The following TMSB15B variants were observed in gnomAD, a reference collection of about 807,000 sequenced individuals.
TMSB15B encodes the protein thymosin beta 15B, also known as thymosin beta-15B.
At chrX:103,922,114 C>T (rs184956719) in intron 1 of TMSB15B, among the ~76,000 whole-genome samples, 56 of 108,756 alleles carry the variant, frequency 5.1e-4, no homozygotes, top group Non-Finnish European at 9.6e-4. Flanking sequence ...CGGAGTCTCC[C>T]ACTGTCACCC....
chrX:103,933,627 T>G (rs1238626629), intron 1 of TMSB15B, among the ~76,000 whole-genome samples: 1 of 111,851 alleles, frequency 8.9e-6, no homozygotes, highest in African/African-American at 3.3e-5. Context: ...GTTTTACAGA[T>G]GTTTGAACAT....
At chrX:103,927,407 G>C (rs1340141292) in intron 1 of TMSB15B, among the ~76,000 whole-genome samples, 1 of 111,969 alleles carries the variant, frequency 8.9e-6, no homozygotes, top group African/African-American at 3.3e-5. Context: ...ATAGCTACAG[G>C]TCTACAGGGT....
intron 1 of TMSB15B, among the ~76,000 whole-genome samples, chrX:103,922,665 A>C (rs1360326470): frequency 2.7e-5 from 3 of 111,535 alleles, no homozygotes; most frequent in Admixed American, 9.5e-5. Context: ...TGCAATAAAC[A>C]TGCATGTGCA....
rs1207461013 is a variant in TMSB15B at position 103,931,540 on chromosome X, A to G, written c.-721+12248A>G. 6.3e-5 allele frequency: 7 copies of G among 111,980 alleles called. No individual in the cohort carries two copies. The South Asian group carries it at 1.9e-3, about 30-fold the overall frequency. The allele number at this position is 111,980 out of a possible 1,213,427, so 9.2% of individuals were successfully genotyped here. Reference sequence around the variant, plus strand: ...TCAATTTTCAGTATTCCTCGATTCAATGTTTGCAAATCCAAATTCTTTTAA... The same window carrying G: ...TCAATTTTCAGTATTCCTCGATTCAGTGTTTGCAAATCCAAATTCTTTTAA... On this transcript the variant is annotated intron_variant, in intron 1 of 3. Transcript: ENST00000419165.
intron 1 of TMSB15B, chrX:103,928,015 G>A: frequency 1.8e-6 from 1 of 559,830 alleles, no homozygotes; most frequent in Non-Finnish European, 2.8e-6. Context: ...GAGAATGCTT[G>A]CCAACGGAAT....
At chrX:103,948,572 A>G (rs1236138516) in intron 1 of TMSB15B, among the ~76,000 whole-genome samples, 1 of 112,718 alleles carries the variant, frequency 8.9e-6, no homozygotes. Flanking sequence ...TGGAATATTC[A>G]TATAACAGAA....
intron 1 of TMSB15B, among the ~76,000 whole-genome samples, chrX:103,952,106 G>T (rs1455261762): frequency 1.8e-5 from 2 of 111,352 alleles, no homozygotes; most frequent in Non-Finnish European, 3.8e-5. Flanking sequence ...GGTTTTGCTA[G>T]GTTGCCCAGG....
At chrX:103,937,595 T>A (rs782770319) in intron 1 of TMSB15B, among the ~76,000 whole-genome samples, 1 of 111,807 alleles carries the variant, frequency 8.9e-6, no homozygotes, top group African/African-American at 3.3e-5. Context: ...TCTATCTATT[T>A]TATTAATCTT....
intron 1 of TMSB15B, among the ~76,000 whole-genome samples, chrX:103,943,791 C>T (rs1291547972): frequency 9.0e-6 from 1 of 111,285 alleles, no homozygotes; most frequent in African/African-American, 3.3e-5. Flanking sequence ...ATTCCATTGC[C>T]CCCATTTCTT....
chrX:103,950,026 A>G (rs2075035088), intron 1 of TMSB15B, among the ~76,000 whole-genome samples: 1 of 111,531 alleles, frequency 9.0e-6, no homozygotes, highest in African/African-American at 3.3e-5. Flanking sequence ...TGCTGCTGAT[A>G]GGTTAAGTAA....
At chrX:103,919,299 T>A (rs1344490965) in intron 1 of TMSB15B, 5 of 112,565 alleles carry the variant, frequency 4.4e-5, no homozygotes, top group African/African-American at 1.6e-4. Flanking sequence ...ATCTGTGAGT[T>A]TGCTGCTACC....
At chrX:103,929,381 G>A (rs1473088308) in intron 1 of TMSB15B, among the ~76,000 whole-genome samples, 1 of 111,614 alleles carries the variant, frequency 9.0e-6, no homozygotes, top group Non-Finnish European at 1.9e-5. Flanking sequence ...GACCCCTCTA[G>A]GTGTCCTCCA....
chrX:103,925,448 A>T (rs2074965593), intron 1 of TMSB15B, among the ~76,000 whole-genome samples: 1 of 112,680 alleles, frequency 8.9e-6, no homozygotes, highest in Non-Finnish European at 1.9e-5. Flanking sequence ...CCCCAAAATG[A>T]TTTACAAAAA....
intron 1 of TMSB15B, among the ~76,000 whole-genome samples, chrX:103,937,567 T>C (rs782327480): frequency 8.9e-6 from 1 of 112,024 alleles, no homozygotes; most frequent in South Asian, 3.7e-4. Flanking sequence ...TTCTCTTCTT[T>C]ATTAGTCTGG....
At chrX:103,950,946 A>T (rs148604349) in intron 1 of TMSB15B, among the ~76,000 whole-genome samples, 1 of 111,234 alleles carries the variant, frequency 9.0e-6, no homozygotes, top group Non-Finnish European at 1.9e-5. Context: ...ATATCATTAT[A>T]TTAATTTGCT....
rs188847934 is a variant in TMSB15B, at chrX:103,937,355, G to T, written c.-721+18063G>T. 3.6e-5 allele frequency among the ~76,000 whole-genome samples: 4 copies of T among 112,035 alleles called. No homozygotes were observed. The East Asian group carries it at 1.1e-3, about 31-fold the overall frequency. ...TGCCTCAATTTCAGAACTTGTTATT[G>T]GTCTATTCAGGGATTCGAGTTCTTC... On this transcript the variant is annotated intron_variant, in intron 1 of 3. Coordinates refer to the TMSB15B transcript ENST00000419165.
At chrX:103,944,788 ACTTT>A (rs1428837438) in intron 1 of TMSB15B, among the ~76,000 whole-genome samples, 125 of 111,773 alleles carry the variant, frequency 1.1e-3, no homozygotes, top group African/African-American at 4.0e-3. Flanking sequence ...ACATAATATT[ACTTT>A]CTTTCTTTTA....
At chrX:103,921,184 G>C (rs1355592502) in intron 1 of TMSB15B, among the ~76,000 whole-genome samples, 39 of 112,012 alleles carry the variant, frequency 3.5e-4, no homozygotes, top group East Asian at 5.6e-4. Context: ...TCTCAGGATT[G>C]TGGCCTGTGG....
At chrX:103,920,503 A>C (rs782459669) in intron 1 of TMSB15B, among the ~76,000 whole-genome samples, 36 of 112,356 alleles carry the variant, frequency 3.2e-4, no homozygotes, top group Middle Eastern at 9.2e-3. Context: ...GTATTTGTCC[A>C]TGGCATATCT....
Sources: gnomAD v4.1 joint callset for allele counts (sites outside exome capture counted in the v4.1 genomes callset) on GRCh38, gnomAD v4.1.1 for gene constraint, MANE v1.5 for transcripts, NCBI Gene and HGNC (gene_info 2026-07-23, HGNC 2026-07-21) for gene names.